The following MIPOL1 variants were observed in gnomAD, a reference collection of about 807,000 sequenced individuals.
MIPOL1 encodes the protein mirror-image polydactyly gene 1 protein.
Under a neutral mutation model 60.9 loss-of-function variants are expected in MIPOL1, and 57 were observed. The observed-to-expected ratio is 0.94, with a 90% CI of 0.76 to 1.17. MIPOL1 has a LOEUF of 1.17. MIPOL1 is among the 50% of genes most tolerant of loss of function. The pLI, the probability that MIPOL1 is intolerant of heterozygous loss-of-function variation, is 0.00. For missense variants in MIPOL1, 551 were observed against 511.6 expected, an observed-to-expected ratio of 1.08 and a Z score of -0.74; for synonymous variants, 179 against 168.8, an observed-to-expected ratio of 1.06 and a Z score of -0.47.
chr14:37,202,148 T>C (rs1488678124), intron 1 of MIPOL1, among the ~76,000 whole-genome samples: 1 of 152,198 alleles, frequency 6.6e-6, no homozygotes, highest in Non-Finnish European at 1.5e-5. Flanking sequence ...TGTTTTTAAG[T>C]AATTTATAGA....
intron 11 of MIPOL1, among the ~76,000 whole-genome samples, chr14:37,466,236 C>CA (rs1005457204): frequency 3.9e-5 from 6 of 152,068 alleles, no homozygotes; most frequent in African/African-American, 1.4e-4. Flanking sequence ...GGCATTTTAC[C>CA]AAAAGAGAAG....
intron 12 of MIPOL1, among the ~76,000 whole-genome samples, chr14:37,510,082 ATG>A (rs1311254994): frequency 1.3e-5 from 2 of 151,966 alleles, no homozygotes; most frequent in Non-Finnish European, 2.9e-5. Flanking sequence ...GACTATATGT[ATG>A]TGTAAATACA....
rs550247187 is a variant in MIPOL1 at position 37,373,924 on chromosome 14, G to A, written c.936+4300G>A. Among the ~76,000 whole-genome samples the A allele has an allele frequency of 6.4e-4, 98 of 152,204 alleles. No individual in the cohort carries two copies. The South Asian group carries it at 0.02, about 31-fold the overall frequency. The stretch of plus-strand genomic sequence containing the variant: ...TGTAATGGGATTGCTGGGCCAAATG[G>A]TATTTCTAGTTCTAGATCCTTGAGG... On this transcript the variant is annotated intron_variant, in intron 10 of 12. Coordinates refer to ENST00000684589, the MANE Select transcript of MIPOL1 (RefSeq NM_001388067.1).
chr14:37,502,827 G>C (rs1488656807), intron 12 of MIPOL1: 5 of 152,182 alleles, frequency 3.3e-5, no homozygotes, highest in Non-Finnish European at 7.3e-5. Context: ...AATTCTCTGA[G>C]CTAAAGGAGC....
chr14:37,307,923 G>A (rs573123596), intron 7 of MIPOL1, 133 bp from the exon 8 acceptor site: 47 of 701,568 alleles, frequency 6.7e-5, no homozygotes, highest in East Asian at 5.9e-4. Context: ...ACTTTAATAT[G>A]TTCAGTGTCA....
chr14:37,199,750 C>T (rs1470485087), intron 1 of MIPOL1, among the ~76,000 whole-genome samples: 6 of 152,100 alleles, frequency 3.9e-5, no homozygotes, highest in Admixed American at 3.9e-4. Flanking sequence ...GTCTCAAACT[C>T]CTGACCTCAG....
chr14:37,314,495 CTCTT>C (rs1325378964), intron 9 of MIPOL1, among the ~76,000 whole-genome samples: 5 of 152,170 alleles, frequency 3.3e-5, no homozygotes, highest in African/African-American at 1.2e-4. Context: ...TTCTTTTTGA[CTCTT>C]TCTGCCTTTA....
chr14:37,198,656 A>G (rs576152053), intron 1 of MIPOL1, among the ~76,000 whole-genome samples: 4 of 151,978 alleles, frequency 2.6e-5, no homozygotes, highest in South Asian at 2.1e-4. Context: ...AGCTCTATGG[A>G]TGGAGGGAAC....
At chr14:37,363,884 C>T (rs2092377142) in intron 9 of MIPOL1, among the ~76,000 whole-genome samples, 1 of 152,216 alleles carries the variant, frequency 6.6e-6, no homozygotes, top group African/African-American at 2.4e-5. Context: ...ACAGGTCCAT[C>T]TCAGACTGCT....
chr14:37,351,088 G>A (rs966592913), intron 9 of MIPOL1, among the ~76,000 whole-genome samples: 1 of 131,402 alleles, frequency 7.6e-6, no homozygotes, highest in Non-Finnish European at 1.6e-5. Context: ...TCCCCAGAGT[G>A]TGATATTCCC....
At chr14:37,515,333 G>C (rs1470983819) in intron 12 of MIPOL1, among the ~76,000 whole-genome samples, 1 of 150,122 alleles carries the variant, frequency 6.7e-6, no homozygotes, top group Admixed American at 6.6e-5. Flanking sequence ...TACTTTAGCA[G>C]GTCTTTCTAT....
At chr14:37,454,816 G>A (rs535560170) in intron 11 of MIPOL1, among the ~76,000 whole-genome samples, 1 of 152,268 alleles carries the variant, frequency 6.6e-6, no homozygotes, top group South Asian at 2.1e-4. Flanking sequence ...TCAGTACTGA[G>A]CACATGGGAG....
At chr14:37,447,752 A>G (rs913086791) in intron 11 of MIPOL1, among the ~76,000 whole-genome samples, 1 of 152,186 alleles carries the variant, frequency 6.6e-6, no homozygotes, top group African/African-American at 2.4e-5. Context: ...ACTGGCAGCT[A>G]GAGTCAACAT....
At chr14:37,213,103 A>G (rs151248011) in intron 1 of MIPOL1, among the ~76,000 whole-genome samples, 365 of 152,308 alleles carry the variant, frequency 2.4e-3, no homozygotes, top group Non-Finnish European at 4.3e-3. Flanking sequence ...AAGGACAGCT[A>G]CAATAAACCC....
intron 7 of MIPOL1, 104 bp from the exon 8 acceptor site, chr14:37,307,952 A>T (rs1246958910): frequency 2.3e-6 from 2 of 878,394 alleles, no homozygotes; most frequent in Non-Finnish European, 3.7e-6. Flanking sequence ...TCTAAAGACT[A>T]GTCGAATGAA....
chr14:37,396,620 G>T (rs2093376783), intron 10 of MIPOL1, among the ~76,000 whole-genome samples: 1 of 151,874 alleles, frequency 6.6e-6, no homozygotes, highest in South Asian at 2.1e-4. Flanking sequence ...TTATTCTTAG[G>T]TTTGGTCATT....
intron 12 of MIPOL1, among the ~76,000 whole-genome samples, chr14:37,515,420 T>C (rs2095362200): frequency 6.6e-6 from 1 of 152,136 alleles, no homozygotes; most frequent in Admixed American, 6.5e-5. Flanking sequence ...CCTACTAAAC[T>C]AATTTTAATT....
At chr14:37,265,932 A>G (rs2082841025) in intron 3 of MIPOL1, among the ~76,000 whole-genome samples, 1 of 152,228 alleles carries the variant, frequency 6.6e-6, no homozygotes, top group South Asian at 2.1e-4. Flanking sequence ...AAAATGAGAA[A>G]TATCCAGAAA....
intron 10 of MIPOL1, chr14:37,400,094 G>A (rs1157139114): frequency 6.6e-6 from 1 of 152,062 alleles, no homozygotes. Flanking sequence ...GAGAGTCAGA[G>A]GACAGTAATC....
Sources: gnomAD v4.1 joint callset for allele counts (sites outside exome capture counted in the v4.1 genomes callset) on GRCh38, gnomAD v4.1.1 for gene constraint, MANE v1.5 for transcripts, NCBI Gene and HGNC (gene_info 2026-07-23, HGNC 2026-07-21) for gene names.